Variants in MYBPC3 observed in about 807,000 individuals in gnomAD.
The protein encoded by MYBPC3 is myosin binding protein C3.
In MYBPC3, 108 loss-of-function variants were observed where a neutral mutation model predicts 159.3. The observed-to-expected ratio is 0.68, with a 90% CI of 0.58 to 0.80. The LOEUF is 0.80. Ranked by LOEUF, MYBPC3 falls within the 30% of genes least tolerant of loss-of-function variation. The probability of loss-of-function intolerance (pLI) is 0.00; values close to 1 mark genes in which losing one functional copy is unlikely to be tolerated. For missense variants in MYBPC3, 1,631 were observed against 1,762.1 expected (o/e 0.93, Z 1.33); for synonymous variants, 730 against 702.0 (o/e 1.04, Z -0.63).
Position 47,337,812 on chromosome 11 carries a change from G to A in MYBPC3, c.2309-18C>T. On this transcript the variant is annotated intron_variant, in intron 23 of 34. Coordinates refer to ENST00000545968, the MANE Select transcript of MYBPC3 (RefSeq NM_000256.3). ...TGGCACGTCTGGATGGGGTGGGATG[G>A]ACCCACATCAGCCCTGCCCCGCTCA... 6.5e-7 allele frequency: 1 copy of A among 1,547,234 alleles called. No individual in the cohort carries two copies. The highest frequency in any genetic ancestry group is 8.7e-7 in the Non-Finnish European group (1 of 1,144,868).
rs1246622278 is a variant in MYBPC3, at chr11:47,332,400, G to A, written c.3628-142C>T. ...ATGCCCAAGGCTGGAAACAAACATG[G>A]AACCAAGAGTGAGTACCATGGCCCT... On this transcript the variant is annotated intron_variant, in intron 32 of 34. Coordinates refer to ENST00000545968, the MANE Select transcript of MYBPC3 (RefSeq NM_000256.3). The surrounding 1 kb of genome is among the most constrained non-coding windows in gnomAD (Gnocchi z 4.2). The A allele has an allele frequency of 7.0e-7, 1 of 1,419,596 alleles. No homozygotes were observed. The highest frequency in any genetic ancestry group is 1.9e-5 in the Admixed American group (1 of 51,520). 87.9% of individuals were successfully genotyped at this position (1,419,596 alleles called of 1,614,324 possible). A position where few individuals can be genotyped will look rare whatever the true frequency, so the allele number is the denominator to read the frequency against.
rs370412052 is a variant in MYBPC3 at position 47,343,086 on chromosome 11, G to A, written c.1286C>T (p.Ala429Val). 8.7e-5 allele frequency: 140 copies of A among 1,611,814 alleles called. No individual in the cohort carries two copies. The African/African-American group carries it at 1.3e-3, about 15-fold the overall frequency. Reference sequence around the variant, plus strand: ...CACGCACTGGTAGGCTGCGTCGTCCGCCAATGAGCACTGGCTGATGGTCAG... The same window carrying A: ...CACGCACTGGTAGGCTGCGTCGTCCACCAATGAGCACTGGCTGATGGTCAG... ...RTLTISQCSLADDAAYQCVVG... is the reference protein window; with the variant it reads ...RTLTISQCSLVDDAAYQCVVG... The change falls in exon 15 of 35, where the codon GCG becomes GTG. Residue 429 changes from alanine (A) to valine (V), a missense_variant. Ala to Val is a moderately conservative substitution (Grantham distance 64). Coordinates refer to ENST00000545968, the MANE Select transcript of MYBPC3 (RefSeq NM_000256.3).
At chr11:47,336,125 G>A (rs2095882054) in intron 25 of MYBPC3, 114 bp from the exon 26 acceptor site, 1 of 1,079,322 alleles carries the variant, frequency 9.3e-7, no homozygotes, top group Non-Finnish European at 1.2e-6. Context: ...CTGTTCAGCT[G>A]GCTTTTGGCC....
chr11:47,334,127 G>A (rs568116912), intron 27 of MYBPC3, 117 bp from the exon 28 acceptor site: 7 of 984,406 alleles, frequency 7.1e-6, no homozygotes, highest in Non-Finnish European at 1.0e-5. Context: ...AAAGCTGCCT[G>A]CTGGGCCCTG....
At chr11:47,340,853 G>A in intron 20 of MYBPC3, 150 bp downstream of exon 20, 3 of 840,118 alleles carry the variant, frequency 3.6e-6, no homozygotes, top group Non-Finnish European at 5.3e-6. Flanking sequence ...GATTATAATT[G>A]ACCCATGGTC....
In MYBPC3 at chr11:47,338,502, G is replaced by C. The variant is rs3729948; in HGVS notation, c.2308+18C>G. The C allele has an allele frequency of 0.043, 69,037 of 1,613,746 alleles. 1,960 individuals are homozygous for C. The highest frequency in any genetic ancestry group is 0.11 in the South Asian group (10,260 of 91,060). Reference sequence around the variant, plus strand: ...CTGCCCCTCTGTGTTCTCCAGCTTGGACCCCGGCCGGCCTCACCGATGACC... The same window carrying C: ...CTGCCCCTCTGTGTTCTCCAGCTTGCACCCCGGCCGGCCTCACCGATGACC... On this transcript the variant is annotated intron_variant, in intron 23 of 34. Coordinates refer to ENST00000545968, the MANE Select transcript of MYBPC3 (RefSeq NM_000256.3). This position sits in a 1 kb window ranked among gnomAD's most constrained non-coding sequence, Gnocchi z 4.7.
At position 47,341,336 on chromosome 11, in the gene MYBPC3, C is replaced by G. The variant is rs991278411; in HGVS notation, c.1791-92G>C. 12 of 868,246 alleles carry G rather than the reference C, an allele frequency of 1.4e-5. No homozygotes were observed. The African/African-American group carries it at 1.7e-4, about 13-fold the overall frequency. 53.8% of individuals were successfully genotyped at this position (868,246 alleles called of 1,614,324 possible). A position where few individuals can be genotyped will look rare whatever the true frequency, so the allele number is the denominator to read the frequency against. ...AGCCAGGGTCCCAGGAGGCCCTCAC[C>G]TTGTCCTGGCTTGTTGGTATTCTGA... On this transcript the variant is annotated intron_variant, in intron 18 of 34. Transcript: ENST00000545968.
chr11:47,341,452 C>T (rs1429742012), intron 18 of MYBPC3, among the ~76,000 whole-genome samples: 2 of 152,234 alleles, frequency 1.3e-5, no homozygotes, highest in Admixed American at 1.3e-4. Context: ...GTGATTTCTA[C>T]ATCAAAGCAT....
In MYBPC3 at chr11:47,342,931, G is replaced by T; in HGVS notation, c.1356C>A (p.Pro452=). Residue 452 remains proline, a synonymous_variant, in exon 16 of 35, where the codon CCC becomes CCA. Coordinates refer to ENST00000545968, the MANE Select transcript of MYBPC3 (RefSeq NM_000256.3). Reference sequence around the variant, plus strand: ...CCAAGGGGCGCGTGATGAGCACAGGGGGCTCTGTCCAGGCAGGGTGAGCAT... The same window carrying T: ...CCAAGGGGCGCGTGATGAGCACAGGTGGCTCTGTCCAGGCAGGGTGAGCAT... ...KCSTELFVKE[P]PVLITRPLED... 2 of 1,611,440 alleles carry T rather than the reference G, an allele frequency of 1.2e-6. No homozygotes were observed. The highest frequency in any genetic ancestry group is 1.7e-6 in the Non-Finnish European group (2 of 1,178,802).
Position 47,343,595 on chromosome 11 carries a change from G to C in MYBPC3, c.1120C>G (p.Gln374Glu), listed in dbSNP as rs730880635. Residue 374 changes from glutamine to glutamate, a missense_variant, in exon 13 of 35, where the codon CAG becomes GAG. By Grantham distance (29) the Gln-to-Glu change is conservative (BLOSUM62 2). Coordinates refer to ENST00000545968, the MANE Select transcript of MYBPC3 (RefSeq NM_000256.3). Reference sequence around the variant, plus strand: ...CGGATCTTGTGGCCTTTGCTCACCTGGTAGGCCGGCTCCAGCTTCTTCTGA... The same window carrying C: ...CGGATCTTGTGGCCTTTGCTCACCTCGTAGGCCGGCTCCAGCTTCTTCTGA... ...AFQKKLEPAY[Q>E]VSKGHKIRLT... The C allele has an allele frequency of 6.2e-7, 1 of 1,612,756 alleles. No homozygotes were observed. The highest frequency in any genetic ancestry group is 1.7e-4 in the Middle Eastern group (1 of 6,044).
Position 47,351,189 on chromosome 11 carries a change from G to GGGGCCCACCCC in MYBPC3, c.292+49_292+50insGGGGTGGGCCC. On this transcript the variant is annotated intron_variant, in intron 2 of 34. Transcript: ENST00000545968. This position sits in a 1 kb window ranked among gnomAD's most constrained non-coding sequence, Gnocchi z 4.2. ...TGGATGGATGGAGAGTCGCTGGGCT[G>GGGGCCCACCCC]CCCCTCCCCCAGCAGCCCAAACCTC... 1.4e-6 allele frequency: 2 copies of GGGGCCCACCCC among 1,449,116 alleles called. No homozygotes were observed. The highest frequency in any genetic ancestry group is 1.8e-6 in the Non-Finnish European group (2 of 1,087,868). 89.8% of individuals were successfully genotyped at this position (1,449,116 alleles called of 1,614,324 possible).
At chr11:47,343,434 G>T (rs2095891127) in intron 13 of MYBPC3, 58 bp downstream of exon 13, 4 of 1,529,410 alleles carry the variant, frequency 2.6e-6, no homozygotes, top group Non-Finnish European at 3.5e-6. Context: ...GGGGCAGGAG[G>T]CAAGGCTATG....
rs964347722 is a variant in MYBPC3, at chr11:47,338,394, T to C, written c.2308+126A>G. On this transcript the variant is annotated intron_variant, in intron 23 of 34. Transcript: ENST00000545968. This position sits in a 1 kb window ranked among gnomAD's most constrained non-coding sequence, Gnocchi z 4.7. ...GGCTCCTTTTGGGCAGAAAAACCTG[T>C]CCTGTTGCCGCTCGGCTCAGGGAGC... The C allele has an allele frequency of 1.8e-5, 25 of 1,379,308 alleles. No homozygotes were observed. Among genetic ancestry groups the C allele is most frequent in the African/African-American group, 2.9e-5 (2 of 70,124 alleles). The allele number at this position is 1,379,308 out of a possible 1,614,324, so 85.4% of individuals were successfully genotyped here. A position where few individuals can be genotyped will look rare whatever the true frequency, so the allele number is the denominator to read the frequency against.
Position 47,342,931 on chromosome 11 carries a change from G to A in MYBPC3, c.1356C>T (p.Pro452=). 6.2e-7 allele frequency: 1 copy of A among 1,611,440 alleles called. No individual in the cohort carries two copies. Among genetic ancestry groups the A allele is most frequent in the Non-Finnish European group, 8.5e-7 (1 of 1,178,802 alleles). ...CCAAGGGGCGCGTGATGAGCACAGG[G>A]GGCTCTGTCCAGGCAGGGTGAGCAT... is the stretch of plus-strand genomic sequence containing the variant. The part of the protein sequence containing the change: ...KCSTELFVKE[P]PVLITRPLED... The change falls in exon 16 of 35, where the codon CCC becomes CCT. Residue 452 remains proline (P), a synonymous_variant. Coordinates refer to ENST00000545968, the MANE Select transcript of MYBPC3 (RefSeq NM_000256.3).
chr11:47,335,298 A>C, intron 26 of MYBPC3, 89 bp from the exon 27 acceptor site: 1 of 1,050,324 alleles, frequency 9.5e-7, no homozygotes, highest in Non-Finnish European at 1.3e-6. Context: ...AGGAATCTCC[A>C]GGATTTAAAT....
At position 47,335,179 on chromosome 11, in the gene MYBPC3, A is replaced by T; in HGVS notation, c.2768T>A (p.Leu923Gln). The T allele has an allele frequency of 6.2e-7, 1 of 1,608,334 alleles. No individual in the cohort carries two copies. The highest frequency in any genetic ancestry group is 8.5e-7 in the Non-Finnish European group (1 of 1,176,974). Residue 923 changes from leucine (L) to glutamine (Q), a missense_variant, in exon 27 of 35, where the codon CTG (leucine) becomes CAG (glutamine). Coordinates refer to ENST00000545968, the MANE Select transcript of MYBPC3 (RefSeq NM_000256.3). ...CACCAGTATCGATGTGTGCTCTGTC[A>T]GCCCCTGCAGGGCAGCCACCCACTC... is the stretch of plus-strand genomic sequence containing the variant. ...CSEWVAALQG[L>Q]TEHTSILVKD...
At chr11:47,339,516 CT>C (rs2095886093) in intron 21 of MYBPC3, 112 bp from the exon 22 acceptor site, 3 of 1,494,850 alleles carry the variant, frequency 2.0e-6, no homozygotes, top group African/African-American at 2.8e-5. Context: ...TGCCTGCCCC[CT>C]GACCAGTCTC....
At chr11:47,333,881 G>T in intron 28 of MYBPC3, 41 bp downstream of exon 28, 4 of 1,555,266 alleles carry the variant, frequency 2.6e-6, no homozygotes, top group Non-Finnish European at 3.5e-6. Flanking sequence ...ACACACTATA[G>T]CCTCTCTCCC....
At position 47,341,060 on chromosome 11, in the gene MYBPC3, C is replaced by A. The variant is rs777486001; in HGVS notation, c.1898-28G>T. The A allele has an allele frequency of 8.3e-6, 13 of 1,574,612 alleles. No homozygotes were observed. The South Asian group carries it at 1.5e-4, about 18-fold the overall frequency. On this transcript the variant is annotated intron_variant, in intron 19 of 34. Coordinates refer to ENST00000545968, the MANE Select transcript of MYBPC3 (RefSeq NM_000256.3). ...GCAAGAGAAGGAAGAGCAAGTAGCA[C>A]GGGGGCAAAGGCAGGGCCCAGTGAC...
Sources: gnomAD v4.1 joint callset for allele counts (sites outside exome capture counted in the v4.1 genomes callset) on GRCh38, gnomAD v4.1.1 for gene constraint, Gnocchi (gnomAD v3.1) non-coding constraint, MANE v1.5 for transcripts, NCBI Gene and HGNC (gene_info 2026-07-23, HGNC 2026-07-21) for gene names.